ST6GAL1: variants seen among roughly 807,000 people sequenced by gnomAD.
ST6GAL1 encodes beta-galactoside alpha-2,6-sialyltransferase 1.
In ST6GAL1, 20 loss-of-function variants were observed where a neutral mutation model predicts 38.0. The ratio of observed to expected loss-of-function variants is 0.53; its 90% CI spans 0.37 to 0.77. The LOEUF is 0.77. ST6GAL1 is among the 30% of genes least tolerant of loss of function. The pLI is 0.00. For synonymous variants in ST6GAL1, 196 were observed against 188.2 expected (o/e 1.04, Z -0.34); for missense variants, 432 against 496.4 (o/e 0.87, Z 1.23).
chr3:186,935,782 A>G (rs1713930602), intron 1 of ST6GAL1, among the ~76,000 whole-genome samples: 1 of 152,166 alleles, frequency 6.6e-6, no homozygotes, highest in Admixed American at 6.5e-5. Context: ...CTCAGATTAG[A>G]AGACCTCACC....
rs1719608931 is a variant in ST6GAL1 at position 187,077,684 on chromosome 3, G to A, written c.*1881G>A. The A allele has an allele frequency of 6.6e-6, 1 of 152,318 alleles. No individual in the cohort carries two copies. The highest frequency in any genetic ancestry group is 1.5e-5 in the Non-Finnish European group (1 of 68,140). 9.4% of individuals were successfully genotyped at this position (152,318 alleles called of 1,614,324 possible). A position where few individuals can be genotyped will look rare whatever the true frequency, so the allele number is the denominator to read the frequency against. On this transcript the variant is annotated 3_prime_UTR_variant, in exon 8 of 8. Coordinates refer to ENST00000169298, the MANE Select transcript of ST6GAL1 (RefSeq NM_173216.2). Reference sequence around the variant, plus strand: ...ACAGGAAAGCACCTGTCCTGGCTCTGTACCTGGCACGTAGTAGGTGCTCAG... The same window carrying A: ...ACAGGAAAGCACCTGTCCTGGCTCTATACCTGGCACGTAGTAGGTGCTCAG...
At chr3:186,976,194 T>C (rs1715513786) in intron 2 of ST6GAL1, among the ~76,000 whole-genome samples, 1 of 152,188 alleles carries the variant, frequency 6.6e-6, no homozygotes, top group African/African-American at 2.4e-5. Flanking sequence ...CTTGTGGGTC[T>C]TTCCTTTGCT....
chr3:186,999,252 G>A (rs1412821398), intron 2 of ST6GAL1, among the ~76,000 whole-genome samples: 5 of 152,122 alleles, frequency 3.3e-5, no homozygotes, highest in South Asian at 2.1e-4. Flanking sequence ...TAGAAGGTGT[G>A]TGTCATTCAA....
At chr3:186,936,098 CTT>C (rs1293239157) in intron 1 of ST6GAL1, among the ~76,000 whole-genome samples, 1 of 152,154 alleles carries the variant, frequency 6.6e-6, no homozygotes, top group Non-Finnish European at 1.5e-5. Context: ...GCTTAAAACA[CTT>C]TTGGCTCTCC....
intron 2 of ST6GAL1, among the ~76,000 whole-genome samples, chr3:187,035,211 CT>C (rs1717887188): frequency 3.9e-5 from 6 of 152,284 alleles, no homozygotes; most frequent in Admixed American, 2.6e-4. Flanking sequence ...TGAAATATCT[CT>C]CCAAGGAGAA....
chr3:186,947,077 G>A (rs1457540102), intron 1 of ST6GAL1, among the ~76,000 whole-genome samples: 2 of 152,132 alleles, frequency 1.3e-5, no homozygotes, highest in Admixed American at 1.3e-4. Flanking sequence ...GCATGTCTGG[G>A]GTTACTGGGA....
intron 5 of ST6GAL1, chr3:187,072,455 T>C (rs1181044851): frequency 3.0e-6 from 1 of 330,844 alleles, no homozygotes; most frequent in African/African-American, 2.1e-5. Context: ...CTGGACTCTC[T>C]AGGTGATTGA....
In ST6GAL1 at chr3:186,941,175, G is replaced by C. The variant is rs114372471; in HGVS notation, c.-325+10341G>C. On this transcript the variant is annotated intron_variant, in intron 1 of 7. Coordinates refer to ENST00000169298, the MANE Select transcript of ST6GAL1 (RefSeq NM_173216.2). ...TTCCCCTCCCCTTCCCACCATCCTTGGGCCTTCCAAGTTTGTTTCTGGTCT... is the reference window on the plus strand; with the variant it reads ...TTCCCCTCCCCTTCCCACCATCCTTCGGCCTTCCAAGTTTGTTTCTGGTCT... Among the ~76,000 whole-genome samples the C allele has an allele frequency of 2.5e-3, 387 of 152,272 alleles. 4 individuals carry two copies. Among genetic ancestry groups the C allele is most frequent in the African/African-American group, 9.0e-3 (374 of 41,548 alleles).
chr3:187,020,603 C>G lies in ST6GAL1; in HGVS notation c.-182-18139C>G, dbSNP rs1464089070. 2.0e-5 allele frequency among the ~76,000 whole-genome samples: 3 copies of G among 152,218 alleles called. No individual in the cohort carries two copies. In the South Asian group the frequency reaches 6.2e-4, roughly 31 times the overall value. ...AAGGCGCCACATTATCTGGCTGCCCCTGTGTAGGTATTTTGCTGTTCCCTC... is the reference window on the plus strand; with the variant it reads ...AAGGCGCCACATTATCTGGCTGCCCGTGTGTAGGTATTTTGCTGTTCCCTC... On this transcript the variant is annotated intron_variant, in intron 2 of 7. Coordinates refer to ENST00000169298, the MANE Select transcript of ST6GAL1 (RefSeq NM_173216.2).
At chr3:187,061,313 G>C (rs1718906925) in intron 5 of ST6GAL1, among the ~76,000 whole-genome samples, 1 of 152,138 alleles carries the variant, frequency 6.6e-6, no homozygotes. Context: ...ATGATATGCA[G>C]ATTTAATGCA....
chr3:186,962,549 A>G (rs966122051), intron 1 of ST6GAL1, among the ~76,000 whole-genome samples: 29 of 152,114 alleles, frequency 1.9e-4, no homozygotes, highest in African/African-American at 6.8e-4. Flanking sequence ...TGTTAGGGGA[A>G]TGGGCACATT....
At chr3:186,978,252 G>A (rs1715582062) in intron 2 of ST6GAL1, among the ~76,000 whole-genome samples, 1 of 151,886 alleles carries the variant, frequency 6.6e-6, no homozygotes, top group South Asian at 2.1e-4. Context: ...GTCTCAGAGA[G>A]GTTAAGGGAA....
chr3:186,997,737 A>G (rs542752551), intron 2 of ST6GAL1, among the ~76,000 whole-genome samples: 7 of 150,032 alleles, frequency 4.7e-5, no homozygotes, highest in Non-Finnish European at 1.5e-5. Flanking sequence ...AGCCTAGGAC[A>G]GAGTGAGACT....
chr3:187,004,083 G>T (rs887224526), intron 2 of ST6GAL1, among the ~76,000 whole-genome samples: 24 of 152,216 alleles, frequency 1.6e-4, no homozygotes, highest in Non-Finnish European at 3.1e-4. Flanking sequence ...GTTCTCATGA[G>T]ATCTGGTTGT....
intron 2 of ST6GAL1, among the ~76,000 whole-genome samples, chr3:186,965,641 C>T (rs569742193): frequency 2.6e-5 from 4 of 152,324 alleles, no homozygotes; most frequent in South Asian, 2.1e-4. Context: ...GGCGAAAGTA[C>T]GTACTCCTGG....
chr3:187,002,761 T>C lies in ST6GAL1; in HGVS notation c.-182-35981T>C, dbSNP rs567570179. On this transcript the variant is annotated intron_variant, in intron 2 of 7. Transcript: ENST00000169298. ...CTTGATTCAGATGATTCTGAATCAA[T>C]AGCATGTATGTGTGTGTGCATAATT... is the stretch of plus-strand genomic sequence containing the variant. 2.4e-3 allele frequency among the ~76,000 whole-genome samples: 371 copies of C among 152,346 alleles called. 1 individual carries two copies. The highest frequency in any genetic ancestry group is 4.4e-3 in the Non-Finnish European group (297 of 68,022).
At chr3:187,050,557 A>AGAGAGAGAGAGAGAGAGG (rs1579360379) in intron 4 of ST6GAL1, among the ~76,000 whole-genome samples, 3 of 142,858 alleles carry the variant, frequency 2.1e-5, no homozygotes, top group African/African-American at 8.5e-5. Flanking sequence ...AGAGAGAGAG[A>AGAGAGAGAGAGAGAGAGG]GAGGGAGGGA....
intron 4 of ST6GAL1, among the ~76,000 whole-genome samples, chr3:187,046,209 G>A (rs1355009305): frequency 6.6e-6 from 1 of 152,238 alleles, no homozygotes; most frequent in Admixed American, 6.5e-5. Context: ...GAGGGCTCAT[G>A]AAGTAAGAGG....
intron 5 of ST6GAL1, among the ~76,000 whole-genome samples, chr3:187,052,209 T>A (rs1438808095): frequency 6.6e-6 from 1 of 152,160 alleles, no homozygotes; most frequent in Admixed American, 6.5e-5. Flanking sequence ...ATCTGTCTCT[T>A]CACTTCCTTA....
Sources: allele counts gnomAD v4.1 joint callset (sites outside exome capture counted in the v4.1 genomes callset), GRCh38; gene constraint gnomAD v4.1.1; transcripts MANE v1.5; gene names NCBI Gene and HGNC (gene_info 2026-07-23, HGNC 2026-07-21).